CARNMT1: variants seen among roughly 807,000 people sequenced by gnomAD.
CARNMT1 encodes carnosine N-methyltransferase 1.
A neutral mutation model predicts 49.6 loss-of-function variants in CARNMT1; 28 were observed. The ratio of observed to expected loss-of-function variants is 0.56; its 90% CI spans 0.42 to 0.77. The LOEUF (loss-of-function observed/expected upper bound fraction) is 0.77. Ranked by LOEUF, CARNMT1 falls within the 30% of genes least tolerant of loss-of-function variation. The probability of loss-of-function intolerance (pLI) is 0.00; values close to 1 mark genes in which losing one functional copy is unlikely to be tolerated. For synonymous variants in CARNMT1, 178 were observed against 175.0 expected (o/e 1.02, Z -0.13); for missense variants, 421 against 512.6 (o/e 0.82, Z 1.73).
At chr9:75,017,581 G>T in intron 1 of CARNMT1, 133 bp from the exon 2 acceptor site, 1 of 725,638 alleles carries the variant, frequency 1.4e-6, no homozygotes, top group Non-Finnish European at 2.2e-6. Flanking sequence ...CAATCTCTTG[G>T]CTTTAAAAAG....
In CARNMT1 at chr9:74,980,953, T is replaced by A. The variant is rs971340422; in HGVS notation, c.*2814A>T. 4 of 152,170 alleles carry A rather than the reference T, an allele frequency of 2.6e-5. No homozygotes were observed. The highest frequency in any genetic ancestry group is 5.9e-5 in the Non-Finnish European group (4 of 68,012). 9.4% of individuals were successfully genotyped at this position (152,170 alleles called of 1,614,324 possible). A position where few individuals can be genotyped will look rare whatever the true frequency, so the allele number is the denominator to read the frequency against. ...TAATCCAAGAGTTCAAAAGTATATA[T>A]GCTCAACTCATTAAAATCCCCACAT... is the stretch of plus-strand genomic sequence containing the variant. On this transcript the variant is annotated 3_prime_UTR_variant, in exon 8 of 8. Coordinates refer to ENST00000376834, the MANE Select transcript of CARNMT1 (RefSeq NM_152420.3).
intron 6 of CARNMT1, among the ~76,000 whole-genome samples, chr9:74,987,090 G>T (rs904776158): frequency 5.9e-5 from 9 of 152,174 alleles, no homozygotes; most frequent in African/African-American, 2.2e-4. Context: ...CATTTTTACT[G>T]ACCTGATTCA....
intron 3 of CARNMT1, chr9:75,010,110 G>A (rs1439345426): frequency 1.4e-5 from 2 of 147,056 alleles, no homozygotes; most frequent in African/African-American, 5.0e-5. Flanking sequence ...ATAAAAAAAG[G>A]AAGAAATTCT....
At chr9:74,995,405 C>T (rs540043017) in intron 6 of CARNMT1, among the ~76,000 whole-genome samples, 1 of 152,180 alleles carries the variant, frequency 6.6e-6, no homozygotes, top group South Asian at 2.1e-4. Context: ...AAGCAAATAC[C>T]CAGTAGGTAA....
At chr9:74,994,890 T>C (rs187526695) in intron 6 of CARNMT1, among the ~76,000 whole-genome samples, 12 of 152,326 alleles carry the variant, frequency 7.9e-5, no homozygotes, top group East Asian at 3.9e-4. Flanking sequence ...ATTGACTTCC[T>C]GTTAACCAAC....
At chr9:74,993,787 T>C (rs1833104559) in intron 6 of CARNMT1, among the ~76,000 whole-genome samples, 1 of 151,912 alleles carries the variant, frequency 6.6e-6, no homozygotes. Context: ...CCCTCACCAC[T>C]CCCACTGAAG....
At chr9:75,000,811 T>C (rs1833330988) in intron 3 of CARNMT1, among the ~76,000 whole-genome samples, 1 of 152,182 alleles carries the variant, frequency 6.6e-6, no homozygotes. Context: ...CCTTTAAGTT[T>C]GGCATGCTCC....
At chr9:74,997,745 T>C (rs996298342) in intron 5 of CARNMT1, among the ~76,000 whole-genome samples, 4 of 152,058 alleles carry the variant, frequency 2.6e-5, no homozygotes, top group African/African-American at 4.8e-5. Context: ...CAGCAGCCTC[T>C]CCCCAGTCAC....
intron 1 of CARNMT1, chr9:75,027,006 A>C: frequency 9.4e-7 from 1 of 1,058,382 alleles, no homozygotes; most frequent in Non-Finnish European, 1.3e-6. Context: ...ATATAAAAAA[A>C]CTTTGCATAA....
At chr9:74,986,993 T>G (rs1198196879) in intron 6 of CARNMT1, among the ~76,000 whole-genome samples, 1 of 152,220 alleles carries the variant, frequency 6.6e-6, no homozygotes, top group Non-Finnish European at 1.5e-5. Context: ...TTTTTAGTCT[T>G]CTAATACAAT....
Position 74,999,658 on chromosome 9 carries a change from T to C in CARNMT1, c.731+72A>G, listed in dbSNP as rs899263807. ...TATGTACTTATCTTCAAATTCAAAATTGTTCAAGAAAATAGGTAAGTCAAT... is the reference window on the plus strand; with the variant it reads ...TATGTACTTATCTTCAAATTCAAAACTGTTCAAGAAAATAGGTAAGTCAAT... On this transcript the variant is annotated intron_variant, in intron 4 of 7. Coordinates refer to ENST00000376834, the MANE Select transcript of CARNMT1 (RefSeq NM_152420.3). 1.2e-5 allele frequency: 17 copies of C among 1,370,450 alleles called. No homozygotes were observed. In the African/African-American group the frequency reaches 2.0e-4, roughly 16 times the overall value. The allele number at this position is 1,370,450 out of a possible 1,614,324, so 84.9% of individuals were successfully genotyped here. A position where few individuals can be genotyped will look rare whatever the true frequency, so the allele number is the denominator to read the frequency against.
At position 75,027,133 on chromosome 9, in the gene CARNMT1, A is replaced by AT. The variant is rs1221528997; in HGVS notation, c.230+878dup. 3.8e-6 allele frequency: 5 copies of AT among 1,303,594 alleles called. No homozygotes were observed. In the African/African-American group the frequency reaches 7.6e-5, roughly 20 times the overall value. The allele number at this position is 1,303,594 out of a possible 1,614,324, so 80.8% of individuals were successfully genotyped here. On this transcript the variant is annotated intron_variant, in intron 1 of 7. Transcript: ENST00000376834. ...CGGTGGACTCATATCTCTTACGTGA[A>AT]TAAAAGTGTTATCTTCACCTGAAAA...
intron 3 of CARNMT1, among the ~76,000 whole-genome samples, chr9:75,011,363 G>A (rs1282999291): frequency 6.6e-6 from 1 of 152,106 alleles, no homozygotes; most frequent in Admixed American, 6.5e-5. Context: ...TGTCCCTCCT[G>A]TGATTGTCAT....
chr9:75,009,191 G>C (rs764036018), intron 3 of CARNMT1, among the ~76,000 whole-genome samples: 1 of 151,238 alleles, frequency 6.6e-6, no homozygotes, highest in Non-Finnish European at 1.5e-5. Flanking sequence ...CCTAAACTTA[G>C]GAATTAAAAC....
intron 3 of CARNMT1, among the ~76,000 whole-genome samples, chr9:75,013,027 C>T (rs573289729): frequency 6.6e-6 from 1 of 152,128 alleles, no homozygotes; most frequent in Non-Finnish European, 1.5e-5. Flanking sequence ...ACTGATACTT[C>T]TTTTCCTCAA....
intron 6 of CARNMT1, among the ~76,000 whole-genome samples, chr9:74,989,158 T>C (rs1446115421): frequency 1.3e-5 from 2 of 152,178 alleles, no homozygotes; most frequent in Non-Finnish European, 2.9e-5. Flanking sequence ...GTCACCCAGG[T>C]TGAAGTACAA....
At chr9:75,027,245 G>GT in intron 1 of CARNMT1, 5 of 883,014 alleles carry the variant, frequency 5.7e-6, no homozygotes, top group Non-Finnish European at 7.9e-6. Flanking sequence ...AAACGTGGAA[G>GT]TTAGGGAGCT....
At chr9:74,999,227 C>T (rs1833287170) in intron 4 of CARNMT1, among the ~76,000 whole-genome samples, 1 of 152,126 alleles carries the variant, frequency 6.6e-6, no homozygotes, top group Non-Finnish European at 1.5e-5. Context: ...TGTACATCTT[C>T]TGGCTTTAAA....
At position 75,017,251 on chromosome 9, in the gene CARNMT1, ACAT is replaced by A. The variant is rs749353356; in HGVS notation, c.425_426+1del. On this transcript the variant is annotated splice_donor_variant and coding_sequence_variant, in exon 2 of 8. Transcript: ENST00000376834. LOFTEE classifies it high-confidence loss of function. ...ACAGAAATAGAACAAACTTTCACAT[ACAT>A]CTTCTCCATATTCTTTATTTTCAAA... is the stretch of plus-strand genomic sequence containing the variant. 5.6e-6 allele frequency: 9 copies of A among 1,605,770 alleles called. No individual in the cohort carries two copies. The South Asian group carries it at 1.0e-4, about 18-fold the overall frequency.
Sources: gnomAD v4.1 joint callset for allele counts (sites outside exome capture counted in the v4.1 genomes callset) on GRCh38, gnomAD v4.1.1 for gene constraint, MANE v1.5 for transcripts, NCBI Gene and HGNC (gene_info 2026-07-23, HGNC 2026-07-21) for gene names.